TANGO6: variants seen among roughly 807,000 people sequenced by gnomAD.
TANGO6 encodes the protein transport and golgi organization 6 homolog.
TANGO6 carries 90 observed loss-of-function variants against 114.2 expected under a neutral mutation model. That is an observed-to-expected ratio of 0.79 (90% CI 0.66 to 0.94). The LOEUF (loss-of-function observed/expected upper bound fraction) is 0.94. TANGO6 is among the 40% of genes least tolerant of loss of function. The pLI is 0.00. For synonymous variants in TANGO6, 477 were observed against 509.8 expected (o/e 0.94, Z 0.87); for missense variants, 1,274 against 1,315.3 (o/e 0.97, Z 0.49).
intron 17 of TANGO6, among the ~76,000 whole-genome samples, chr16:69,052,839 T>C (rs995519534): frequency 1.3e-5 from 2 of 152,138 alleles, no homozygotes; most frequent in South Asian, 4.1e-4. Context: ...CCAGGCACGG[T>C]GGCTCATGCC....
chr16:68,968,558 T>A (rs1963668775), intron 14 of TANGO6, among the ~76,000 whole-genome samples: 1 of 150,490 alleles, frequency 6.6e-6, no homozygotes, highest in Non-Finnish European at 1.5e-5. Context: ...GAGAGGGGGG[T>A]TTCACCATGT....
intron 16 of TANGO6, among the ~76,000 whole-genome samples, chr16:69,029,738 A>T (rs1464668773): frequency 6.6e-6 from 1 of 152,108 alleles, no homozygotes; most frequent in East Asian, 1.9e-4. Flanking sequence ...TTTCTATATT[A>T]AGATTTTTCT....
At position 68,912,506 on chromosome 16, in the gene TANGO6, G is replaced by A. The variant is rs116921904; in HGVS notation, c.1992+3104G>A. Among the ~76,000 whole-genome samples the A allele has an allele frequency of 3.8e-3, 573 of 152,114 alleles. 12 individuals are homozygous for A. Among genetic ancestry groups the A allele is most frequent in the East Asian group, 0.036 (187 of 5,152 alleles). On this transcript the variant is annotated intron_variant, in intron 11 of 17. Transcript: ENST00000261778. ...AAAAATTAGCCAGGCATTGTGGCAC[G>A]TGCCTATAATCCCAACTACTGGGAG... is the stretch of plus-strand genomic sequence containing the variant.
At chr16:68,903,608 A>G (rs1272422853) in intron 9 of TANGO6, among the ~76,000 whole-genome samples, 1 of 122,786 alleles carries the variant, frequency 8.1e-6, no homozygotes, top group African/African-American at 3.3e-5. Flanking sequence ...ACAGGGCGAG[A>G]CCATCTCAAA....
At chr16:68,989,722 T>C (rs72787292) in intron 15 of TANGO6, among the ~76,000 whole-genome samples, 370 of 152,330 alleles carry the variant, frequency 2.4e-3, no homozygotes, top group Non-Finnish European at 4.0e-3. Context: ...TGGTTTCTGA[T>C]ATAATACCCT....
intron 7 of TANGO6, among the ~76,000 whole-genome samples, chr16:68,898,451 T>C (rs1040522425): frequency 6.6e-6 from 1 of 152,202 alleles, no homozygotes; most frequent in East Asian, 1.9e-4. Flanking sequence ...CAAAACTCTT[T>C]CTATAAATAA....
chr16:69,011,788 A>T (rs1964145613), intron 15 of TANGO6, among the ~76,000 whole-genome samples: 1 of 152,208 alleles, frequency 6.6e-6, no homozygotes, highest in Non-Finnish European at 1.5e-5. Context: ...GTCATTTCAG[A>T]TCCTTTCTGG....
intron 14 of TANGO6, 75 bp downstream of exon 14, chr16:68,930,370 T>A: frequency 7.6e-7 from 1 of 1,320,826 alleles, no homozygotes; most frequent in Non-Finnish European, 1.1e-6. Context: ...ACAAAATCTC[T>A]AAAGTCCTAG....
chr16:68,907,218 A>G (rs920109225), intron 9 of TANGO6, among the ~76,000 whole-genome samples: 1 of 150,252 alleles, frequency 6.7e-6, no homozygotes, highest in African/African-American at 2.5e-5. Flanking sequence ...AAGTGCTGCG[A>G]TTACAGGCGT....
At chr16:68,900,877 A>G (rs747286272) in intron 8 of TANGO6, among the ~76,000 whole-genome samples, 1 of 152,214 alleles carries the variant, frequency 6.6e-6, no homozygotes, top group African/African-American at 2.4e-5. Context: ...GAAATAGGGG[A>G]TGGATCATAA....
chr16:69,007,268 T>C (rs890811247), intron 15 of TANGO6: 1 of 148,626 alleles, frequency 6.7e-6, no homozygotes, highest in Non-Finnish European at 1.5e-5. Flanking sequence ...TTTTTTCTTT[T>C]CTTTTTTTTT....
intron 17 of TANGO6, among the ~76,000 whole-genome samples, chr16:69,056,820 C>T (rs1410973262): frequency 6.6e-6 from 1 of 151,930 alleles, no homozygotes; most frequent in Non-Finnish European, 1.5e-5. Context: ...TCTGGGGTTA[C>T]AGGCGCCTGC....
chr16:68,940,311 A>C (rs904851440), intron 14 of TANGO6, among the ~76,000 whole-genome samples: 1 of 151,710 alleles, frequency 6.6e-6, no homozygotes, highest in African/African-American at 2.4e-5. Context: ...TCGGCCTCTC[A>C]AAGTGTTGGG....
At chr16:68,863,610 CA>C (rs995584397) in intron 3 of TANGO6, among the ~76,000 whole-genome samples, 19 of 151,402 alleles carry the variant, frequency 1.3e-4, no homozygotes, top group Admixed American at 1.1e-3. Flanking sequence ...AACTCAGTCT[CA>C]AAAAAAAGAC....
chr16:69,032,513 C>T (rs1293315100), intron 16 of TANGO6, among the ~76,000 whole-genome samples: 1 of 151,944 alleles, frequency 6.6e-6, no homozygotes, highest in African/African-American at 2.4e-5. Context: ...GGCAACCCAC[C>T]CGCCTCAGCC....
intron 1 of TANGO6, among the ~76,000 whole-genome samples, chr16:68,854,462 A>C (rs1961953567): frequency 6.6e-6 from 1 of 152,140 alleles, no homozygotes; most frequent in African/African-American, 2.4e-5. Context: ...GAAAAGAAAC[A>C]AACCAAAATA....
chr16:69,047,868 T>G (rs1959887489), intron 17 of TANGO6, among the ~76,000 whole-genome samples: 1 of 152,210 alleles, frequency 6.6e-6, no homozygotes, highest in Non-Finnish European at 1.5e-5. Flanking sequence ...TGCTTTTTAG[T>G]ATTAAAAGAT....
intron 3 of TANGO6, among the ~76,000 whole-genome samples, chr16:68,864,999 C>T (rs1343553387): frequency 2.6e-5 from 4 of 152,148 alleles, no homozygotes; most frequent in South Asian, 2.1e-4. Context: ...GCAGTGGTGC[C>T]GGGCGTGGTG....
chr16:69,060,466 A>G (rs1960096907), intron 17 of TANGO6, among the ~76,000 whole-genome samples: 2 of 152,258 alleles, frequency 1.3e-5, no homozygotes, highest in South Asian at 4.1e-4. Context: ...ATAGTGGTGC[A>G]TGCCTGTAGT....
Sources: gnomAD v4.1 joint callset for allele counts (sites outside exome capture counted in the v4.1 genomes callset) on GRCh38, gnomAD v4.1.1 for gene constraint, MANE v1.5 for transcripts, NCBI Gene and HGNC (gene_info 2026-07-23, HGNC 2026-07-21) for gene names.